Variants in YTHDF2 observed in about 807,000 individuals in gnomAD.
YTHDF2 encodes the protein YTH N6-methyladenosine RNA binding protein F2.
A neutral mutation model predicts 50.4 loss-of-function variants in YTHDF2; 2 were observed. That is an observed-to-expected ratio of 0.04 (90% confidence interval 0.02 to 0.12). The LOEUF is 0.12. Among genes scored for constraint, YTHDF2 ranks in the 10% least tolerant of loss-of-function variants. YTHDF2 has a pLI of 1.00. For synonymous variants in YTHDF2, 217 were observed against 255.6 expected, an observed-to-expected ratio of 0.85 and a Z score of 1.44; for missense variants, 483 against 722.6, an observed-to-expected ratio of 0.67 and a Z score of 3.80.
Position 28,737,154 on chromosome 1 carries a change from G to A in YTHDF2, c.27+7G>A, listed in dbSNP as rs748298962. 1 of 1,590,996 alleles carries A rather than the reference G, an allele frequency of 6.3e-7. No individual in the cohort carries two copies. Among genetic ancestry groups the A allele is most frequent in the Non-Finnish European group, 8.5e-7 (1 of 1,171,364 alleles). ...CAGCAGCCTCTTGGAGCAGGTACAGGCCCGGCCCGCATGCCTCGGCCATTG... is the reference window on the plus strand; with the variant it reads ...CAGCAGCCTCTTGGAGCAGGTACAGACCCGGCCCGCATGCCTCGGCCATTG... On this transcript the variant is annotated splice_region_variant and intron_variant, in intron 1 of 4. Transcript: ENST00000373812.
chr1:28,762,415 G>A (rs1236778576), intron 4 of YTHDF2, among the ~76,000 whole-genome samples: 2 of 152,098 alleles, frequency 1.3e-5, no homozygotes, highest in South Asian at 2.1e-4. Context: ...ATGAGACTCC[G>A]TCTCAAAGAA....
intron 4 of YTHDF2, among the ~76,000 whole-genome samples, chr1:28,747,930 C>T (rs2087890007): frequency 6.6e-6 from 1 of 151,232 alleles, no homozygotes; most frequent in African/African-American, 2.4e-5. Context: ...TCAAGACCAT[C>T]CTGGCTAACA....
intron 2 of YTHDF2, 115 bp downstream of exon 2, chr1:28,737,797 G>C: frequency 8.0e-7 from 1 of 1,242,754 alleles, no homozygotes; most frequent in Non-Finnish European, 1.1e-6. Flanking sequence ...TTAGTTCGCA[G>C]GTGCCGCACA....
chr1:28,745,876 TA>T (rs2087851956), intron 4 of YTHDF2, among the ~76,000 whole-genome samples: 1 of 123,556 alleles, frequency 8.1e-6, no homozygotes, highest in African/African-American at 2.7e-5. Context: ...CCCATCTCTC[TA>T]AAAAAGAAAA....
intron 4 of YTHDF2, among the ~76,000 whole-genome samples, chr1:28,764,132 A>G (rs2088181258): frequency 6.7e-6 from 1 of 149,998 alleles, no homozygotes; most frequent in Non-Finnish European, 1.5e-5. Flanking sequence ...TATTTTTAGT[A>G]AGAGACGGGG....
chr1:28,756,789 GCCTGCCTGCCTGCCT>G (rs1243794211), intron 4 of YTHDF2, among the ~76,000 whole-genome samples: 1 of 135,758 alleles, frequency 7.4e-6, no homozygotes, highest in African/African-American at 3.8e-5. Context: ...CATTGGCTTT[GCCTGCCTGCCTGCCT>G]GCCTGCCTTT....
At chr1:28,757,380 T>C (rs541488414) in intron 4 of YTHDF2, among the ~76,000 whole-genome samples, 12 of 152,298 alleles carry the variant, frequency 7.9e-5, no homozygotes, top group Non-Finnish European at 1.5e-4. Context: ...GCCAATCCCC[T>C]GTGTGAACTG....
intron 4 of YTHDF2, among the ~76,000 whole-genome samples, chr1:28,758,192 A>G (rs1349062212): frequency 1.3e-5 from 2 of 152,066 alleles, no homozygotes; most frequent in Admixed American, 1.3e-4. Context: ...GGAGACCAGC[A>G]TGGGCAAGCA....
intron 4 of YTHDF2, among the ~76,000 whole-genome samples, chr1:28,753,704 CTTTTT>C (rs550956079): frequency 7.5e-6 from 1 of 132,514 alleles, no homozygotes; most frequent in Non-Finnish European, 1.6e-5. Context: ...GGATTTTATT[CTTTTT>C]TTTTTTTTTT....
chr1:28,737,241 G>A (rs1288687027), intron 1 of YTHDF2, 94 bp downstream of exon 1: 1 of 1,450,870 alleles, frequency 6.9e-7, no homozygotes, highest in African/African-American at 1.5e-5. Context: ...GCCGAGCCGA[G>A]CCGAGGCGTC....
At position 28,766,580 on chromosome 1, in the gene YTHDF2, T is replaced by C. The variant is rs1325095427; in HGVS notation, c.1717-2349T>C. ...GGGTAAAGTGTTGTCCACCAGGTTC[T>C]CCACTTAATTTTTTTTTTAATACGT... On this transcript the variant is annotated intron_variant, in intron 4 of 4. Coordinates refer to ENST00000373812, the MANE Select transcript of YTHDF2 (RefSeq NM_016258.3). Among the ~76,000 whole-genome samples the C allele has an allele frequency of 2.0e-5, 3 of 152,154 alleles. No individual in the cohort carries two copies. The East Asian group carries it at 5.8e-4, about 29-fold the overall frequency.
At chr1:28,751,467 T>C (rs1432020667) in intron 4 of YTHDF2, among the ~76,000 whole-genome samples, 1 of 152,144 alleles carries the variant, frequency 6.6e-6, no homozygotes, top group African/African-American at 2.4e-5. Context: ...TTTTGTAAAA[T>C]CCTAAGGCCA....
intron 4 of YTHDF2, among the ~76,000 whole-genome samples, chr1:28,754,649 C>T (rs1388090549): frequency 2.6e-5 from 4 of 151,838 alleles, no homozygotes; most frequent in Non-Finnish European, 4.4e-5. Context: ...GGTGAAACCC[C>T]ATCTCTACTA....
At chr1:28,737,823 C>G in intron 2 of YTHDF2, 141 bp downstream of exon 2, 1 of 968,076 alleles carries the variant, frequency 1.0e-6, no homozygotes, top group Non-Finnish European at 1.5e-6. Flanking sequence ...GTATTTTGAC[C>G]CTTTCGGTGT....
intron 4 of YTHDF2, among the ~76,000 whole-genome samples, chr1:28,748,514 A>G (rs144451079): frequency 1.3e-5 from 2 of 152,346 alleles, no homozygotes; most frequent in African/African-American, 4.8e-5. Flanking sequence ...ATGATTGGGC[A>G]GTATCTTGGC....
intron 4 of YTHDF2, among the ~76,000 whole-genome samples, chr1:28,762,831 T>A (rs1049796448): frequency 5.3e-5 from 8 of 152,138 alleles, no homozygotes; most frequent in African/African-American, 1.7e-4. Context: ...TATTTTATTT[T>A]ATTTTATTTT....
chr1:28,768,570 C>A (rs2124217286), intron 4 of YTHDF2, among the ~76,000 whole-genome samples: 1 of 152,274 alleles, frequency 6.6e-6, no homozygotes, highest in East Asian at 1.9e-4. Flanking sequence ...GACTCTAACA[C>A]TCTAGTGTAC....
Position 28,743,398 on chromosome 1 carries a change from T to A in YTHDF2, c.1128T>A (p.Ala376=). 1 of 1,614,200 alleles carries A rather than the reference T, an allele frequency of 6.2e-7. No individual in the cohort carries two copies. The highest frequency in any genetic ancestry group is 1.1e-5 in the South Asian group (1 of 91,082). ...VDGNGVGQSQ[A]GSGSTPSEPH... is the part of the protein sequence containing the mutation. ...GTAATGGAGTAGGACAGTCTCAGGCTGGTTCTGGATCTACTCCTTCAGAAC... is the reference window on the plus strand; with the variant it reads ...GTAATGGAGTAGGACAGTCTCAGGCAGGTTCTGGATCTACTCCTTCAGAAC... Residue 376 remains alanine (A), a synonymous_variant, in exon 4 of 5, where the codon GCT becomes GCA. Coordinates refer to ENST00000373812, the MANE Select transcript of YTHDF2 (RefSeq NM_016258.3). The surrounding 1 kb of genome is among the most constrained non-coding windows in gnomAD (Gnocchi z 6.9).
At chr1:28,754,462 G>A (rs374898183) in intron 4 of YTHDF2, among the ~76,000 whole-genome samples, 2 of 152,118 alleles carry the variant, frequency 1.3e-5, no homozygotes, top group Non-Finnish European at 2.9e-5. Context: ...CACTGGAGGC[G>A]GAGTTTGCAG....
Sources: allele counts gnomAD v4.1 joint callset (sites outside exome capture counted in the v4.1 genomes callset), GRCh38; gene constraint gnomAD v4.1.1; non-coding constraint Gnocchi (gnomAD v3.1); transcripts MANE v1.5; gene names NCBI Gene and HGNC (gene_info 2026-07-23, HGNC 2026-07-21).